RPS6KC1: variants seen among roughly 807,000 people sequenced by gnomAD.
RPS6KC1 encodes the protein ribosomal protein S6 kinase C1, also known as inactive ribosomal protein S6 kinase delta-1.
Under a neutral mutation model 103.8 loss-of-function variants are expected in RPS6KC1, and 54 were observed. The ratio of observed to expected loss-of-function variants is 0.52; its 90% CI spans 0.42 to 0.65. The LOEUF is 0.65. Among genes scored for constraint, RPS6KC1 ranks in the 30% least tolerant of loss-of-function variants. RPS6KC1 has a pLI of 0.00. For missense variants in RPS6KC1, 1,151 were observed against 1,253.8 expected, an observed-to-expected ratio of 0.92 and a Z score of 1.24; for synonymous variants, 439 against 438.7, an observed-to-expected ratio of 1.00 and a Z score of -0.01.
At chr1:213,852,175 C>T in the RPS6KC1 span, among the ~76,000 whole-genome samples, 1 of 152,108 alleles carries the variant, frequency 6.6e-6, no homozygotes, top group African/African-American at 2.4e-5. Context: ...CTATTTAAAT[C>T]ACTTCTGTGC....
chr1:213,093,304 G>A (rs558141996), intron 3 of RPS6KC1, among the ~76,000 whole-genome samples: 35 of 151,556 alleles, frequency 2.3e-4, no homozygotes, highest in South Asian at 1.9e-3. Flanking sequence ...TCCACCTCCC[G>A]GGTTCAAGAG....
At chr1:213,856,556 TC>T in the RPS6KC1 span, among the ~76,000 whole-genome samples, 1 of 150,220 alleles carries the variant, frequency 6.7e-6, no homozygotes, top group African/African-American at 2.5e-5. Flanking sequence ...ATTCCTTCTT[TC>T]CTTTATTTTA....
chr1:213,730,998 A>T, the RPS6KC1 span, among the ~76,000 whole-genome samples: 2 of 152,232 alleles, frequency 1.3e-5, no homozygotes, highest in African/African-American at 4.8e-5. Flanking sequence ...ATAGTTAACC[A>T]GTTATCCCAG....
At chr1:213,141,167 G>A (rs774237049) in intron 6 of RPS6KC1, among the ~76,000 whole-genome samples, 1 of 152,052 alleles carries the variant, frequency 6.6e-6, no homozygotes, top group Admixed American at 6.6e-5. Context: ...AAAGTGTTGG[G>A]ATTACAGGCA....
the RPS6KC1 span, among the ~76,000 whole-genome samples, chr1:213,306,909 TG>T: frequency 6.6e-6 from 1 of 152,034 alleles, no homozygotes; most frequent in Non-Finnish European, 1.5e-5. Flanking sequence ...GTGTGTGTGG[TG>T]GGTTAGGGAA....
chr1:213,518,093 T>C, the RPS6KC1 span, among the ~76,000 whole-genome samples: 26,347 of 152,074 alleles, frequency 0.17, 3,050 homozygotes, highest in African/African-American at 0.32. Context: ...TTTGGCATTG[T>C]AGTAAGTTCA....
At chr1:213,337,654 C>G in the RPS6KC1 span, among the ~76,000 whole-genome samples, 1 of 152,150 alleles carries the variant, frequency 6.6e-6, no homozygotes, top group Non-Finnish European at 1.5e-5. Flanking sequence ...TGATGCTATT[C>G]TTGGTGATGA....
At chr1:213,303,693 T>C in the RPS6KC1 span, among the ~76,000 whole-genome samples, 1 of 152,194 alleles carries the variant, frequency 6.6e-6, no homozygotes, top group Non-Finnish European at 1.5e-5. Context: ...CCCCTGTGGT[T>C]TTCTTCTCCT....
chr1:213,153,550 AGTT>A (rs767691323), intron 6 of RPS6KC1, among the ~76,000 whole-genome samples: 3 of 152,188 alleles, frequency 2.0e-5, no homozygotes, highest in African/African-American at 4.8e-5. Flanking sequence ...TGTCTTGAAA[AGTT>A]ATTATTTTTC....
intron 13 of RPS6KC1, among the ~76,000 whole-genome samples, chr1:213,261,913 A>G (rs1160545799): frequency 1.3e-5 from 2 of 152,170 alleles, no homozygotes; most frequent in Non-Finnish European, 2.9e-5. Context: ...TTAATTTTCC[A>G]TGATTCAGCT....
chr1:213,082,675 G>A (rs2080012361), intron 3 of RPS6KC1, among the ~76,000 whole-genome samples: 1 of 152,186 alleles, frequency 6.6e-6, no homozygotes, highest in Non-Finnish European at 1.5e-5. Flanking sequence ...AGTGTTTACA[G>A]TATGGTGCTT....
chr1:213,702,936 A>G, the RPS6KC1 span, among the ~76,000 whole-genome samples: 1 of 150,722 alleles, frequency 6.6e-6, no homozygotes. Flanking sequence ...ATTTAATGTT[A>G]TTTTTGATAA....
intron 3 of RPS6KC1, among the ~76,000 whole-genome samples, chr1:213,081,638 G>C (rs996627809): frequency 2.0e-5 from 3 of 151,440 alleles, no homozygotes; most frequent in African/African-American, 7.3e-5. Flanking sequence ...AAAGACTGTG[G>C]CATCTCTCTT....
At chr1:213,656,334 A>T in the RPS6KC1 span, among the ~76,000 whole-genome samples, 1 of 152,242 alleles carries the variant, frequency 6.6e-6, no homozygotes, top group East Asian at 1.9e-4. Flanking sequence ...CAGATTACAA[A>T]ACGTGACAGC....
At chr1:213,582,118 C>T in the RPS6KC1 span, among the ~76,000 whole-genome samples, 2 of 145,170 alleles carry the variant, frequency 1.4e-5, no homozygotes, top group Non-Finnish European at 3.0e-5. Context: ...CATTTTTGAA[C>T]ATCCAATGAC....
chr1:213,072,547 CAAA>C (rs60376245), intron 2 of RPS6KC1, among the ~76,000 whole-genome samples: 1 of 96,404 alleles, frequency 1.0e-5, no homozygotes, highest in Non-Finnish European at 2.1e-5. Context: ...GACTCTGTCT[CAAA>C]AAAAAAAAAA....
At chr1:213,632,391 C>T in the RPS6KC1 span, among the ~76,000 whole-genome samples, 1 of 152,190 alleles carries the variant, frequency 6.6e-6, no homozygotes, top group African/African-American at 2.4e-5. Context: ...ACTGGTGATA[C>T]CCAGGCAAAC....
the RPS6KC1 span, among the ~76,000 whole-genome samples, chr1:213,454,046 C>T: frequency 6.6e-6 from 1 of 152,052 alleles, no homozygotes; most frequent in Non-Finnish European, 1.5e-5. Flanking sequence ...ATGTGTTAAT[C>T]CACTATGTTA....
the RPS6KC1 span, among the ~76,000 whole-genome samples, chr1:213,286,505 C>T: frequency 6.6e-6 from 1 of 152,132 alleles, no homozygotes; most frequent in Non-Finnish European, 1.5e-5. Context: ...TTTAAATGCA[C>T]AACTTGACAT....
Sources: allele counts gnomAD v4.1 joint callset (sites outside exome capture counted in the v4.1 genomes callset), GRCh38; gene constraint gnomAD v4.1.1; transcripts MANE v1.5; gene names NCBI Gene and HGNC (gene_info 2026-07-23, HGNC 2026-07-21).